Variants in OTUD3 observed in about 807,000 individuals in gnomAD.
OTUD3 encodes the protein OTU deubiquitinase 3.
OTUD3 carries 24 observed loss-of-function variants against 46.2 expected under a neutral mutation model. The observed-to-expected ratio is 0.52, with a 90% CI of 0.38 to 0.73. The LOEUF is 0.73. Among genes scored for constraint, OTUD3 ranks in the 30% least tolerant of loss-of-function variants. The pLI is 0.00. For synonymous variants in OTUD3, 189 were observed against 195.4 expected, an observed-to-expected ratio of 0.97 and a Z score of 0.27; for missense variants, 455 against 523.3, an observed-to-expected ratio of 0.87 and a Z score of 1.27.
At chr1:19,884,388 C>T (rs902330656) in intron 1 of OTUD3, among the ~76,000 whole-genome samples, 5 of 152,066 alleles carry the variant, frequency 3.3e-5, no homozygotes, top group African/African-American at 1.2e-4. Flanking sequence ...ATCCCCACAC[C>T]CCCATACACA....
At chr1:19,885,841 G>A (rs750334446) in intron 1 of OTUD3, among the ~76,000 whole-genome samples, 3 of 152,178 alleles carry the variant, frequency 2.0e-5, no homozygotes, top group Non-Finnish European at 2.9e-5. Context: ...CATCTCTAGC[G>A]TTCCCTGTTT....
chr1:19,906,478 T>G lies in OTUD3; in HGVS notation c.882T>G (p.Cys294Trp), dbSNP rs773554496. Reference sequence around the variant, plus strand: ...CCAGTGGTCGAGTGCTGAAGCAGTGTGGCCCTTTGTGGGAGGAGGGTGGCA... The same window carrying G: ...CCAGTGGTCGAGTGCTGAAGCAGTGGGGCCCTTTGTGGGAGGAGGGTGGCA... The part of the protein sequence containing the change: ...LEPSGRVLKQ[C>W]GPLWEEGGSG... Residue 294 changes from cysteine (C) to tryptophan (W), a missense_variant, in exon 7 of 8, where the codon TGT becomes TGG. Physicochemically the swap from Cys to Trp is radical, Grantham distance 215. Transcript: ENST00000375120. The G allele has an allele frequency of 6.2e-7, 1 of 1,614,080 alleles. No homozygotes were observed. Among genetic ancestry groups the G allele is most frequent in the South Asian group, 1.1e-5 (1 of 91,072 alleles).
At chr1:19,898,295 G>C (rs561031110) in intron 4 of OTUD3, among the ~76,000 whole-genome samples, 1 of 152,170 alleles carries the variant, frequency 6.6e-6, no homozygotes, top group East Asian at 1.9e-4. Flanking sequence ...TAAAGGTAAA[G>C]AAGAAAATAA....
In OTUD3 at chr1:19,892,823, C is replaced by T. The variant is rs540017730; in HGVS notation, c.371-1545C>T. ...AGAGGGGGATCTAAATGTGTTTTTC[C>T]TCTGTATAAAAGCTGTTGATGACTC... is the stretch of plus-strand genomic sequence containing the variant. On this transcript the variant is annotated intron_variant, in intron 2 of 7. Transcript: ENST00000375120. Among the ~76,000 whole-genome samples, 8 of 152,196 alleles carry T rather than the reference C, an allele frequency of 5.3e-5. No individual in the cohort carries two copies. The South Asian group carries it at 1.7e-3, about 32-fold the overall frequency.
chr1:19,882,449 T>C lies in OTUD3; in HGVS notation c.-65T>C. The C allele has an allele frequency of 7.6e-7, 1 of 1,319,930 alleles. No individual in the cohort carries two copies. Among genetic ancestry groups the C allele is most frequent in the South Asian group, 2.1e-5 (1 of 46,612 alleles). The allele number at this position is 1,319,930 out of a possible 1,614,324, so 81.8% of individuals were successfully genotyped here. A position where few individuals can be genotyped will look rare whatever the true frequency, so the allele number is the denominator to read the frequency against. On this transcript the variant is annotated 5_prime_UTR_variant, in exon 1 of 8. Coordinates refer to ENST00000375120, the MANE Select transcript of OTUD3 (RefSeq NM_015207.2). ...CCGCGCTGTTTTACCTTCCCAACGC[T>C]TGAGGCGGACGCTGGGGGGTCCTGC...
Position 19,907,559 on chromosome 1 carries a change from TTC to T in OTUD3, c.1021-4_1021-3del. On this transcript the variant is annotated splice_polypyrimidine_tract_variant and intron_variant, in intron 7 of 7. Transcript: ENST00000375120. ...GTGCTTCCTACTCACCACCATGGCC[TTC>T]TCTCTCAGGTCACAAACAAACAGAG... 1.9e-6 allele frequency: 3 copies of T among 1,613,624 alleles called. No individual in the cohort carries two copies. In the South Asian group the frequency reaches 3.3e-5, roughly 18 times the overall value.
At chr1:19,907,230 AAT>A (rs2045672737) in intron 7 of OTUD3, among the ~76,000 whole-genome samples, 1 of 152,206 alleles carries the variant, frequency 6.6e-6, no homozygotes, top group Admixed American at 6.5e-5. Context: ...GCAGAGATGC[AAT>A]AAGCTTCTGA....
chr1:19,902,863 G>A (rs2045609436), intron 4 of OTUD3, among the ~76,000 whole-genome samples: 1 of 151,912 alleles, frequency 6.6e-6, no homozygotes, highest in Non-Finnish European at 1.5e-5. Context: ...CCAAAATATT[G>A]TTAAGTAATA....
chr1:19,906,390 C>T, intron 6 of OTUD3, 42 bp from the exon 7 acceptor site: 1 of 1,583,008 alleles, frequency 6.3e-7, no homozygotes, highest in Non-Finnish European at 8.6e-7. Flanking sequence ...CCCTGTGTAA[C>T]TCTCAGGTTC....
intron 3 of OTUD3, among the ~76,000 whole-genome samples, chr1:19,895,075 C>T (rs1416185898): frequency 6.6e-6 from 1 of 152,112 alleles, no homozygotes; most frequent in Non-Finnish European, 1.5e-5. Flanking sequence ...GCTATAAAAA[C>T]ATTGATACAT....
At chr1:19,907,479 A>T (rs2045675780) in intron 7 of OTUD3, 91 bp from the exon 8 acceptor site, 1 of 1,246,852 alleles carries the variant, frequency 8.0e-7, no homozygotes, top group Non-Finnish European at 1.1e-6. Context: ...GCTGAAAAGC[A>T]ATCTGTGCCC....
Position 19,904,288 on chromosome 1 carries a change from G to A in OTUD3, c.628G>A (p.Glu210Lys). 1 of 1,604,588 alleles carries A rather than the reference G, an allele frequency of 6.2e-7. No homozygotes were observed. ...QTDFQMLHQD[E>K]SNKREKIKTK... ...TTAGTTTCAGATGCTTCATCAAGAT[G>A]AATCAAATAAAAGAGAAAAGATCAA... Residue 210 changes from glutamate to lysine, a missense_variant, in exon 5 of 8, where the codon GAA becomes AAA. By Grantham distance (56) the Glu-to-Lys change is moderately conservative. Coordinates refer to ENST00000375120, the MANE Select transcript of OTUD3 (RefSeq NM_015207.2).
intron 7 of OTUD3, 128 bp from the exon 8 acceptor site, chr1:19,907,442 C>T (rs1265335707): frequency 8.0e-5 from 58 of 724,930 alleles, no homozygotes; most frequent in Non-Finnish European, 8.4e-5. Context: ...TCATCTTTGG[C>T]GTCTTAGATT....
chr1:19,903,289 TGAC>T (rs1275077108), intron 4 of OTUD3, among the ~76,000 whole-genome samples: 1 of 152,038 alleles, frequency 6.6e-6, no homozygotes, highest in Non-Finnish European at 1.5e-5. Flanking sequence ...TGAGGTCAAG[TGAC>T]CCACCCCCAT....
chr1:19,887,984 C>A (rs1179617381), intron 1 of OTUD3, among the ~76,000 whole-genome samples: 1 of 152,144 alleles, frequency 6.6e-6, no homozygotes, highest in Non-Finnish European at 1.5e-5. Context: ...TTTGCGTGCT[C>A]TTTATGTAAT....
At chr1:19,892,588 T>C (rs974013802) in intron 2 of OTUD3, among the ~76,000 whole-genome samples, 7 of 152,168 alleles carry the variant, frequency 4.6e-5, no homozygotes, top group Admixed American at 3.3e-4. Flanking sequence ...ACTGTACAAG[T>C]ATCCAGGTCA....
In OTUD3 at chr1:19,882,544, C is replaced by G; in HGVS notation, c.31C>G (p.Pro11Ala). The change falls in exon 1 of 8, where the codon CCG becomes GCG. Residue 11 changes from proline to alanine, a missense_variant. Physicochemically the swap from Pro to Ala is conservative, Grantham distance 27. Transcript: ENST00000375120. ...CCGAAAGCAGGCGGCGAAGAGCCGG[C>G]CGGGCAGCGGCAGCCGGAAAGCCGA... The part of the protein sequence containing the change: MSRKQAAKSR[P>A]GSGSRKAEAE... The G allele has an allele frequency of 7.4e-7, 1 of 1,345,666 alleles. No individual in the cohort carries two copies. The highest frequency in any genetic ancestry group is 9.5e-7 in the Non-Finnish European group (1 of 1,056,964). The allele number at this position is 1,345,666 out of a possible 1,614,324, so 83.4% of individuals were successfully genotyped here.
intron 6 of OTUD3, among the ~76,000 whole-genome samples, chr1:19,906,162 T>C (rs2045658758): frequency 6.6e-6 from 1 of 152,244 alleles, no homozygotes; most frequent in Non-Finnish European, 1.5e-5. Context: ...TAAAAATTCA[T>C]GTTAAGACAT....
chr1:19,884,728 G>A (rs1020512063), intron 1 of OTUD3, among the ~76,000 whole-genome samples: 3 of 152,130 alleles, frequency 2.0e-5, no homozygotes, highest in Admixed American at 1.3e-4. Flanking sequence ...GTGAGAGAAT[G>A]AGAATGAAAA....
Sources: allele counts gnomAD v4.1 joint callset (sites outside exome capture counted in the v4.1 genomes callset), GRCh38; gene constraint gnomAD v4.1.1; transcripts MANE v1.5; gene names NCBI Gene and HGNC (gene_info 2026-07-23, HGNC 2026-07-21).